Variants in RBM10 observed in about 807,000 individuals in gnomAD.
RBM10 encodes the protein RNA-binding protein 10.
A neutral mutation model predicts 84.9 loss-of-function variants in RBM10; 1 was observed. The ratio of observed to expected loss-of-function variants is 0.01; its 90% CI spans 0.00 to 0.06. The LOEUF is 0.06. Ranked by LOEUF, RBM10 falls within the 10% of genes least tolerant of loss-of-function variation. The probability of loss-of-function intolerance (pLI) is 1.00; values close to 1 mark genes in which losing one functional copy is unlikely to be tolerated. For missense variants in RBM10, 438 were observed against 839.0 expected (o/e 0.52, Z 5.90); for synonymous variants, 326 against 344.5 (o/e 0.95, Z 0.60).
At chrX:47,176,243 C>T (rs1284410641) in intron 6 of RBM10, among the ~76,000 whole-genome samples, 2 of 110,930 alleles carry the variant, frequency 1.8e-5, no homozygotes, top group East Asian at 2.9e-4. Context: ...GTCGGTCAGC[C>T]GAACACTGTG....
intron 2 of RBM10, among the ~76,000 whole-genome samples, chrX:47,168,091 A>G (rs1934365946): frequency 8.9e-6 from 1 of 111,851 alleles, no homozygotes. Flanking sequence ...AGTTTTTTCT[A>G]TTTTAAATAA....
intron 2 of RBM10, chrX:47,157,737 G>T: frequency 2.0e-6 from 1 of 500,988 alleles, no homozygotes. Flanking sequence ...GACGTCCAGG[G>T]GTCCCTGCTC....
intron 2 of RBM10, among the ~76,000 whole-genome samples, chrX:47,153,422 G>A (rs1273672840): frequency 4.6e-5 from 5 of 109,840 alleles, no homozygotes; most frequent in Non-Finnish European, 9.5e-5. Flanking sequence ...TTATGACCTT[G>A]TCATTTTTTT....
At chrX:47,178,646 C>T (rs1261178965) in intron 7 of RBM10, among the ~76,000 whole-genome samples, 5 of 112,095 alleles carry the variant, frequency 4.5e-5, no homozygotes, top group East Asian at 2.8e-4. Context: ...ATTTCTCAAG[C>T]GTAGCAGGAT....
chrX:47,161,770 G>T (rs1007250103), intron 2 of RBM10, among the ~76,000 whole-genome samples: 2 of 109,267 alleles, frequency 1.8e-5, no homozygotes, highest in Non-Finnish European at 3.8e-5. Flanking sequence ...GGGCTCGAGC[G>T]ATCCGCCCAC....
chrX:47,153,557 A>G (rs1365642877), intron 2 of RBM10, among the ~76,000 whole-genome samples: 1 of 111,542 alleles, frequency 9.0e-6, no homozygotes, highest in African/African-American at 3.3e-5. Context: ...TATTTAAGTG[A>G]TTTATGTATA....
chrX:47,181,203 C>T lies in RBM10; in HGVS notation c.1249-12C>T, dbSNP rs2147183465. The T allele has an allele frequency of 1.0e-6, 1 of 972,335 alleles. No homozygotes were observed. 80.1% of individuals were successfully genotyped at this position (972,335 alleles called of 1,213,427 possible). On this transcript the variant is annotated splice_polypyrimidine_tract_variant and intron_variant, in intron 12 of 23. Coordinates refer to ENST00000377604, the MANE Select transcript of RBM10 (RefSeq NM_005676.5). ...TTCCTGTTCTAATGAACCCCTCCCA[C>T]CTGCCCTTCAGGCCTCCCAAGGTGG...
chrX:47,185,218 A>AC lies in RBM10; in HGVS notation c.2100+20dup, dbSNP rs1244509475. On this transcript the variant is annotated intron_variant, in intron 18 of 23. Transcript: ENST00000377604. Reference sequence around the variant, plus strand: ...CTCGAGAAGAAGGTGTGTTGGGGCCACCCCCCTGCACCCTGCCCCACAATC... The same window carrying AC: ...CTCGAGAAGAAGGTGTGTTGGGGCCACCCCCCCTGCACCCTGCCCCACAATC... 1 of 1,211,166 alleles carries AC rather than the reference A, an allele frequency of 8.3e-7. No homozygotes were observed. Among genetic ancestry groups the AC allele is most frequent in the Non-Finnish European group, 1.1e-6 (1 of 895,196 alleles).
chrX:47,177,621 CTT>C (rs371789227), intron 7 of RBM10, among the ~76,000 whole-genome samples: 20 of 101,738 alleles, frequency 2.0e-4, no homozygotes, highest in Admixed American at 3.2e-4. Flanking sequence ...AGGGAATTCT[CTT>C]TTTTTTTTTT....
intron 7 of RBM10, among the ~76,000 whole-genome samples, chrX:47,178,125 AT>A (rs1177486738): frequency 9.0e-6 from 1 of 110,729 alleles, no homozygotes; most frequent in African/African-American, 3.3e-5. Flanking sequence ...CACCTGGAAC[AT>A]TCCTCAAAAC....
At chrX:47,170,519 C>A (rs1453742870) in intron 3 of RBM10, among the ~76,000 whole-genome samples, 1 of 112,859 alleles carries the variant, frequency 8.9e-6, no homozygotes. Context: ...TGTCTGCAGC[C>A]CTCACACCAC....
At chrX:47,180,064 C>G (rs1484261244) in intron 10 of RBM10, 24 bp downstream of exon 10, 1 of 1,209,599 alleles carries the variant, frequency 8.3e-7, no homozygotes, top group African/African-American at 1.7e-5. Context: ...AGTTGGGGGC[C>G]GGGCAGCCAG....
rs1556781521 is a variant in RBM10 at position 47,185,168 on chromosome X, C to T, written c.2064C>T (p.Ala688=). 3 of 1,212,435 alleles carry T rather than the reference C, an allele frequency of 2.5e-6. No homozygotes were observed. The highest frequency in any genetic ancestry group is 1.1e-6 in the Non-Finnish European group (1 of 895,630). Residue 688 remains alanine, a synonymous_variant, in exon 18 of 24, where the codon GCC becomes GCT. Coordinates refer to ENST00000377604, the MANE Select transcript of RBM10 (RefSeq NM_005676.5). The part of the protein sequence containing the change: ...SLRDDERRES[A]TADAGYAILE... ...GAGATGACGAGAGGCGGGAGTCAGC[C>T]ACTGCAGATGCTGGCTATGCCATCC...
At position 47,185,802 on chromosome X, in the gene RBM10, C is replaced by T. The variant is rs1556782217; in HGVS notation, c.2430+12C>T. On this transcript the variant is annotated intron_variant, in intron 21 of 23. Coordinates refer to ENST00000377604, the MANE Select transcript of RBM10 (RefSeq NM_005676.5). ...AGAATGACATGGAGGTGAGGTGTGA[C>T]CTGACCCTGGGCTCCCTCCCCTGTG... 5 of 1,209,183 alleles carry T rather than the reference C, an allele frequency of 4.1e-6. No homozygotes were observed. The highest frequency in any genetic ancestry group is 5.6e-6 in the Non-Finnish European group (5 of 894,096).
At position 47,169,406 on chromosome X, in the gene RBM10, C is replaced by T; in HGVS notation, c.109C>T (p.Arg37Trp). 1 of 1,211,651 alleles carries T rather than the reference C, an allele frequency of 8.3e-7. No homozygotes were observed. Among genetic ancestry groups the T allele is most frequent in the Non-Finnish European group, 1.1e-6 (1 of 895,263 alleles). The change falls in exon 3 of 24, where the codon CGG becomes TGG. Residue 37 changes from arginine to tryptophan, a missense_variant. Physicochemically the swap from Arg to Trp is moderately radical, Grantham distance 101. Transcript: ENST00000377604. ...GENRSRDHDY[R>W]DMDYRSYPRE... The stretch of plus-strand genomic sequence containing the variant: ...GAACCGCAGCCGAGACCACGACTAC[C>T]GGGACATGGACTACCGTTCATATCC...
At position 47,171,049 on chromosome X, in the gene RBM10, G is replaced by A; in HGVS notation, c.223G>A (p.Gly75Ser). 2.5e-6 allele frequency: 3 copies of A among 1,211,318 alleles called. No homozygotes were observed. The South Asian group carries it at 5.3e-5, about 21-fold the overall frequency. ...SAEDSYEASPGSETQRRRRRR... is the reference protein window; with the variant it reads ...SAEDSYEASPSSETQRRRRRR... The stretch of plus-strand genomic sequence containing the variant: ...CCAGGATTCCTACGAGGCCTCCCCG[G>A]GCTCCGAGACTCAGCGTAGGCGGCG... The change falls in exon 4 of 24, where the codon GGC becomes AGC. Residue 75 changes from glycine (G) to serine (S), a missense_variant. This residue lies in a region of RBM10 where 92 missense variants were observed against 134.3 expected (regional missense o/e 0.69). Transcript: ENST00000377604.
intron 2 of RBM10, among the ~76,000 whole-genome samples, chrX:47,151,195 C>T (rs976449846): frequency 1.8e-5 from 2 of 110,549 alleles, no homozygotes; most frequent in Non-Finnish European, 3.8e-5. Flanking sequence ...CGCACCACCA[C>T]GCCCAGCTAA....
At chrX:47,179,563 A>G in intron 9 of RBM10, 68 bp downstream of exon 9, 7 of 1,083,653 alleles carry the variant, frequency 6.5e-6, no homozygotes, top group Non-Finnish European at 8.7e-6. Flanking sequence ...GACCAGAGAA[A>G]TGGCAGTGAG....
chrX:47,161,640 C>T (rs946255018), intron 2 of RBM10, among the ~76,000 whole-genome samples: 5 of 106,414 alleles, frequency 4.7e-5, no homozygotes, highest in Non-Finnish European at 9.6e-5. Flanking sequence ...AAGTGATTCT[C>T]CTGCCTCAGC....
Sources: gnomAD v4.1 joint callset for allele counts (sites outside exome capture counted in the v4.1 genomes callset) on GRCh38, gnomAD v4.1.1 for gene constraint, gnomAD v4.1.1 regional missense constraint, MANE v1.5 for transcripts, NCBI Gene and HGNC (gene_info 2026-07-23, HGNC 2026-07-21) for gene names.